The following PCDHGA8 variants were observed in gnomAD, a reference collection of about 807,000 sequenced individuals.
The protein encoded by PCDHGA8 is protocadherin gamma-A8.
A neutral mutation model predicts 59.2 loss-of-function variants in PCDHGA8; 45 were observed. The observed-to-expected ratio is 0.76, with a 90% CI of 0.60 to 0.98. The LOEUF (loss-of-function observed/expected upper bound fraction) is 0.98. Among genes scored for constraint, PCDHGA8 ranks in the 50% least tolerant of loss-of-function variants. The pLI is 0.00. For missense variants in PCDHGA8, 1,257 were observed against 1,196.2 expected, an observed-to-expected ratio of 1.05 and a Z score of -0.75; for synonymous variants, 531 against 519.0, an observed-to-expected ratio of 1.02 and a Z score of -0.32.
Position 141,493,788 on chromosome 5 carries a change from C to A in PCDHGA8, c.2425-1019C>A, listed in dbSNP as rs2099750132. On this transcript the variant is annotated intron_variant, in intron 1 of 3. Transcript: ENST00000398604. This position sits in a 1 kb window ranked among gnomAD's most constrained non-coding sequence, Gnocchi z 4.3. ...ACTGGCAGTTCCGGAGCTTCCTTCT[C>A]CCTGGAGTAATCTGAGATACTCACA... 6.6e-6 allele frequency among the ~76,000 whole-genome samples: 1 copy of A among 152,162 alleles called. No homozygotes were observed. The highest frequency in any genetic ancestry group is 1.5e-5 in the Non-Finnish European group (1 of 68,026).
At chr5:141,395,545 TGTGTGTGTGTGTG>T (rs1440813594) in intron 1 of PCDHGA8, 2 of 174,840 alleles carry the variant, frequency 1.1e-5, no homozygotes, top group Admixed American at 1.3e-4. Flanking sequence ...CTATTGTTTG[TGTGTGTGTGTGTG>T]TGTGTGTGTG....
chr5:141,406,647 A>G (rs2094834813), intron 1 of PCDHGA8, among the ~76,000 whole-genome samples: 1 of 152,182 alleles, frequency 6.6e-6, no homozygotes, highest in Non-Finnish European at 1.5e-5. Context: ...TAATTTCCTA[A>G]TGCTTTAATG....
At chr5:141,446,767 G>A (rs891355909) in intron 1 of PCDHGA8, among the ~76,000 whole-genome samples, 12 of 152,118 alleles carry the variant, frequency 7.9e-5, no homozygotes, top group Non-Finnish European at 1.2e-4. Flanking sequence ...GCGCCCAGCC[G>A]GTTACCATTC....
chr5:141,489,405 G>A lies in PCDHGA8; in HGVS notation c.2425-5402G>A. ...ATGTTGCTCAGGATCTGGGCTTAAA[G>A]ATGACAGATCTGTTGAGCCGGCGGC... On this transcript the variant is annotated intron_variant, in intron 1 of 3. Transcript: ENST00000398604. This position sits in a 1 kb window ranked among gnomAD's most constrained non-coding sequence, Gnocchi z 4.5. The A allele has an allele frequency of 1.2e-6, 2 of 1,614,204 alleles. No individual in the cohort carries two copies. The highest frequency in any genetic ancestry group is 2.2e-5 in the South Asian group (2 of 91,088).
At chr5:141,424,610 ATAGAG>A (rs1374272828) in intron 1 of PCDHGA8, 2 of 152,216 alleles carry the variant, frequency 1.3e-5, no homozygotes, top group African/African-American at 4.8e-5. Flanking sequence ...ATTTATTCAA[ATAGAG>A]TAGTTTGTGA....
At chr5:141,415,259 T>C (rs778452630) in intron 1 of PCDHGA8, 1 of 1,614,108 alleles carries the variant, frequency 6.2e-7, no homozygotes, top group Non-Finnish European at 8.5e-7. Flanking sequence ...GACCTCACTC[T>C]GTACCTGGTG....
chr5:141,486,707 C>A lies in PCDHGA8; in HGVS notation c.2425-8100C>A, dbSNP rs1314530265. On this transcript the variant is annotated intron_variant, in intron 1 of 3. Coordinates refer to ENST00000398604, the MANE Select transcript of PCDHGA8 (RefSeq NM_032088.2). The surrounding 1 kb of genome is among the most constrained non-coding windows in gnomAD (Gnocchi z 5.0). ...AGCTTCCTCTTTCATCTCTCTGAAC[C>A]CCCAGACAGGAGCTGTTCATGCTAC... 2 of 1,614,040 alleles carry A rather than the reference C, an allele frequency of 1.2e-6. No individual in the cohort carries two copies. The highest frequency in any genetic ancestry group is 1.7e-6 in the Non-Finnish European group (2 of 1,180,038).
At chr5:141,452,251 ACT>A (rs899414988) in intron 1 of PCDHGA8, among the ~76,000 whole-genome samples, 29 of 152,204 alleles carry the variant, frequency 1.9e-4, no homozygotes, top group African/African-American at 6.7e-4. Flanking sequence ...TTTTGCCATA[ACT>A]CTCTCATTTT....
At chr5:141,423,618 C>T (rs2096760725) in intron 1 of PCDHGA8, 2 of 1,608,284 alleles carry the variant, frequency 1.2e-6, no homozygotes, top group East Asian at 2.2e-5. Flanking sequence ...TAGCTGAAGA[C>T]TCAGCTATCA....
intron 1 of PCDHGA8, among the ~76,000 whole-genome samples, chr5:141,451,493 T>C (rs1554137340): frequency 2.0e-5 from 3 of 152,230 alleles, no homozygotes; most frequent in Admixed American, 2.0e-4. Context: ...TGGACCTCCA[T>C]AGGGCAACCA....
rs371964437 is a variant in PCDHGA8, at chr5:141,511,404, C to T, written c.*231C>T. On this transcript the variant is annotated 3_prime_UTR_variant, in exon 4 of 4. Coordinates refer to ENST00000398604, the MANE Select transcript of PCDHGA8 (RefSeq NM_032088.2). ...CCGCTGGGAACCCCCATCCAATCAA[C>T]TGCTGTACCCATGGGGGTAGTGGGG... The T allele has an allele frequency of 7.7e-5, 73 of 947,014 alleles. No individual in the cohort carries two copies. In the East Asian group the frequency reaches 1.8e-3, roughly 23 times the overall value. The allele number at this position is 947,014 out of a possible 1,614,324, so 58.7% of individuals were successfully genotyped here.
chr5:141,485,714 G>C lies in PCDHGA8; in HGVS notation c.2425-9093G>C, dbSNP rs896709540. 6.2e-7 allele frequency: 1 copy of C among 1,614,064 alleles called. No homozygotes were observed. Among genetic ancestry groups the C allele is most frequent in the Non-Finnish European group, 8.5e-7 (1 of 1,180,050 alleles). On this transcript the variant is annotated intron_variant, in intron 1 of 3. Coordinates refer to ENST00000398604, the MANE Select transcript of PCDHGA8 (RefSeq NM_032088.2). The surrounding 1 kb of genome is among the most constrained non-coding windows in gnomAD (Gnocchi z 5.7). The stretch of plus-strand genomic sequence containing the variant: ...GAGCTCCAATGAACACTTTGCACTG[G>C]ATGTGAAGAAGCGCAGCGACGGCAG...
chr5:141,489,800 A>G lies in PCDHGA8; in HGVS notation c.2425-5007A>G. 6.2e-7 allele frequency: 1 copy of G among 1,614,166 alleles called. No homozygotes were observed. Among genetic ancestry groups the G allele is most frequent in the Non-Finnish European group, 8.5e-7 (1 of 1,179,994 alleles). On this transcript the variant is annotated intron_variant, in intron 1 of 3. Coordinates refer to ENST00000398604, the MANE Select transcript of PCDHGA8 (RefSeq NM_032088.2). This position sits in a 1 kb window ranked among gnomAD's most constrained non-coding sequence, Gnocchi z 4.5. ...TCTCTGAATGTGAAGACCCTAAAAG[A>G]TGGGAAGCCATTCCCAGAGCTGGTG...
In PCDHGA8 at chr5:141,430,181, T is replaced by A. The variant is rs561671481; in HGVS notation, c.2424+34944T>A. ...TCTATTTAAAAATATTTTCCCCAAA[T>A]TATAGCTGAATCAGAAAGTTTAAAT... On this transcript the variant is annotated intron_variant, in intron 1 of 3. Transcript: ENST00000398604. 2.0e-5 allele frequency among the ~76,000 whole-genome samples: 3 copies of A among 152,252 alleles called. No homozygotes were observed. The South Asian group carries it at 6.2e-4, about 32-fold the overall frequency.
intron 1 of PCDHGA8, chr5:141,408,406 G>T (rs750833105): frequency 5.0e-6 from 8 of 1,614,066 alleles, no homozygotes; most frequent in East Asian, 2.2e-5. Flanking sequence ...AGCTGCGAGT[G>T]AGCGCGGAGA....
At chr5:141,446,098 A>G (rs375135134) in intron 1 of PCDHGA8, among the ~76,000 whole-genome samples, 2 of 152,350 alleles carry the variant, frequency 1.3e-5, no homozygotes, top group African/African-American at 4.8e-5. Flanking sequence ...TGGATGAATT[A>G]TAGATATATT....
Position 141,422,444 on chromosome 5 carries a change from T to TA in PCDHGA8, c.2424+27209dup, listed in dbSNP as rs1171104340. 1.9e-6 allele frequency: 3 copies of TA among 1,610,490 alleles called. No homozygotes were observed. The Admixed American group carries it at 5.1e-5, about 27-fold the overall frequency. ...ACTTATGGAAATTATTACAAATTGA[T>TA]AACAAGCAGAGTGCTGGACAGGGAG... On this transcript the variant is annotated intron_variant, in intron 1 of 3. Coordinates refer to ENST00000398604, the MANE Select transcript of PCDHGA8 (RefSeq NM_032088.2).
In PCDHGA8 at chr5:141,477,442, A is replaced by G; in HGVS notation, c.2425-17365A>G. The G allele has an allele frequency of 6.2e-7, 1 of 1,614,132 alleles. No individual in the cohort carries two copies. Among genetic ancestry groups the G allele is most frequent in the Non-Finnish European group, 8.5e-7 (1 of 1,180,022 alleles). ...CCCCTTCCCTCTCAGCCCTTACAAT[A>G]GTGCGTGTTCAAGTGTCCGACATCA... On this transcript the variant is annotated intron_variant, in intron 1 of 3. Coordinates refer to ENST00000398604, the MANE Select transcript of PCDHGA8 (RefSeq NM_032088.2). This position sits in a 1 kb window ranked among gnomAD's most constrained non-coding sequence, Gnocchi z 4.9.
chr5:141,497,832 G>C (rs1326640712), intron 2 of PCDHGA8, among the ~76,000 whole-genome samples: 1 of 151,992 alleles, frequency 6.6e-6, no homozygotes, highest in East Asian at 1.9e-4. Context: ...GATCGCCCCC[G>C]GCCACAACAA....
Sources: allele counts gnomAD v4.1 joint callset (sites outside exome capture counted in the v4.1 genomes callset), GRCh38; gene constraint gnomAD v4.1.1; non-coding constraint Gnocchi (gnomAD v3.1); transcripts MANE v1.5; gene names NCBI Gene and HGNC (gene_info 2026-07-23, HGNC 2026-07-21).